Variants in GADL1 observed in about 807,000 individuals in gnomAD.
The protein encoded by GADL1 is GAD like acidic amino acid decarboxylase 1.
In GADL1, 71 loss-of-function variants were observed where a neutral mutation model predicts 69.5. The ratio of observed to expected loss-of-function variants is 1.02; its 90% confidence interval spans 0.84 to 1.25. The LOEUF (loss-of-function observed/expected upper bound fraction) is 1.25. Ranked by LOEUF, GADL1 falls within the 50% of genes most tolerant of loss-of-function variation. GADL1 has a pLI of 0.00. For missense variants in GADL1, 737 were observed against 631.8 expected (o/e 1.17, Z -1.79); for synonymous variants, 254 against 214.4 (o/e 1.18, Z -1.62).
chr3:30,892,564 A>T (rs1369912676), intron 1 of GADL1, among the ~76,000 whole-genome samples: 1 of 152,244 alleles, frequency 6.6e-6, no homozygotes, highest in Non-Finnish European at 1.5e-5. Flanking sequence ...ATATTCAGCT[A>T]CCAAAGCCAC....
intron 12 of GADL1, chr3:30,799,846 A>G (rs551996934): frequency 6.6e-6 from 1 of 152,408 alleles, no homozygotes; most frequent in East Asian, 1.9e-4. Flanking sequence ...GACAGGGGCA[A>G]AATGCCGCCA....
At chr3:30,779,740 G>C (rs951640909) in intron 13 of GADL1, among the ~76,000 whole-genome samples, 1 of 152,174 alleles carries the variant, frequency 6.6e-6, no homozygotes, top group Non-Finnish European at 1.5e-5. Context: ...TCTGTCACTA[G>C]ATTGTGTTAT....
chr3:30,790,763 ACTAT>A (rs1173615274), intron 12 of GADL1, among the ~76,000 whole-genome samples: 3 of 152,200 alleles, frequency 2.0e-5, no homozygotes, highest in African/African-American at 7.2e-5. Context: ...ATTTATATGT[ACTAT>A]CTAAATGTCT....
At chr3:30,750,662 C>G (rs572485308) in intron 14 of GADL1, among the ~76,000 whole-genome samples, 1 of 151,562 alleles carries the variant, frequency 6.6e-6, no homozygotes, top group South Asian at 2.1e-4. Context: ...TTTTTTAACA[C>G]AATTGCTACA....
At chr3:30,848,215 T>C (rs1698087414) in intron 6 of GADL1, among the ~76,000 whole-genome samples, 1 of 152,178 alleles carries the variant, frequency 6.6e-6, no homozygotes. Context: ...AACATTCTTC[T>C]CTTGGTACAG....
intron 12 of GADL1, chr3:30,800,681 T>C (rs1697140064): frequency 1.7e-6 from 1 of 578,046 alleles, no homozygotes; most frequent in East Asian, 3.0e-5. Flanking sequence ...CTGTTCATAA[T>C]TCCTAACACT....
intron 14 of GADL1, among the ~76,000 whole-genome samples, chr3:30,763,188 C>T (rs1367552754): frequency 6.6e-6 from 1 of 152,024 alleles, no homozygotes; most frequent in Admixed American, 6.5e-5. Context: ...GGTTACATAC[C>T]CATGATCCCA....
chr3:30,879,650 T>C (rs928795378), intron 1 of GADL1, among the ~76,000 whole-genome samples: 3 of 151,952 alleles, frequency 2.0e-5, no homozygotes, highest in African/African-American at 7.2e-5. Flanking sequence ...TCTGCACTCG[T>C]CTCTCTTGCT....
chr3:30,844,164 C>T (rs772875836), intron 8 of GADL1, 46 bp downstream of exon 8: 15 of 1,460,212 alleles, frequency 1.0e-5, no homozygotes, highest in African/African-American at 9.9e-5. Flanking sequence ...CGGGCGTGCG[C>T]GCACACACAC....
chr3:30,836,397 TAAAAA>T (rs34081672), intron 9 of GADL1, among the ~76,000 whole-genome samples: 1 of 144,806 alleles, frequency 6.9e-6, no homozygotes, highest in Non-Finnish European at 1.5e-5. Flanking sequence ...ATTTATTCCT[TAAAAA>T]AAAAAAAACA....
At chr3:30,805,505 T>A (rs572044398) in intron 11 of GADL1, among the ~76,000 whole-genome samples, 1 of 152,296 alleles carries the variant, frequency 6.6e-6, no homozygotes, top group South Asian at 2.1e-4. Context: ...TAATATCCTG[T>A]TTTTAAAGCA....
At chr3:30,764,473 A>G (rs1282565659) in intron 14 of GADL1, among the ~76,000 whole-genome samples, 1 of 152,176 alleles carries the variant, frequency 6.6e-6, no homozygotes, top group Non-Finnish European at 1.5e-5. Flanking sequence ...GTAAAAATGG[A>G]AGTAGAGCCA....
chr3:30,846,554 A>G lies in GADL1; in HGVS notation c.652-2088T>C, dbSNP rs144801519. Among the ~76,000 whole-genome samples the G allele has an allele frequency of 3.8e-3, 574 of 151,854 alleles. 1 individual carries two copies. Among genetic ancestry groups the G allele is most frequent in the African/African-American group, 0.014 (556 of 41,156 alleles). ...AGTTAGCTGGTAGAGAGAACGGGGT[A>G]TATAAATGTACACTGTGCCCTGGAC... On this transcript the variant is annotated intron_variant, in intron 6 of 14. Coordinates refer to ENST00000282538, the MANE Select transcript of GADL1 (RefSeq NM_207359.3).
intron 14 of GADL1, among the ~76,000 whole-genome samples, chr3:30,767,102 G>A (rs1696299345): frequency 6.6e-6 from 1 of 152,104 alleles, no homozygotes; most frequent in African/African-American, 2.4e-5. Flanking sequence ...AGTTCTGTGA[G>A]GTGCAGGTAG....
intron 8 of GADL1, among the ~76,000 whole-genome samples, chr3:30,839,363 C>G (rs1697926250): frequency 6.6e-6 from 1 of 151,726 alleles, no homozygotes; most frequent in Non-Finnish European, 1.5e-5. Context: ...CAGTATTATT[C>G]TCATGTTTTT....
intron 14 of GADL1, among the ~76,000 whole-genome samples, chr3:30,759,221 C>CAT (rs1473961584): frequency 1.6e-3 from 237 of 151,984 alleles, no homozygotes; most frequent in Non-Finnish European, 2.6e-3. Flanking sequence ...ACTTAGACAT[C>CAT]TGTCTCTTTA....
intron 14 of GADL1, among the ~76,000 whole-genome samples, chr3:30,733,922 A>C (rs1047320877): frequency 6.6e-6 from 1 of 152,114 alleles, no homozygotes; most frequent in East Asian, 1.9e-4. Flanking sequence ...GCTCCAATGC[A>C]GTGGCTATCT....
At chr3:30,815,954 G>A (rs1212744530) in intron 11 of GADL1, among the ~76,000 whole-genome samples, 1 of 152,086 alleles carries the variant, frequency 6.6e-6, no homozygotes, top group Non-Finnish European at 1.5e-5. Context: ...TGTTATTTAT[G>A]CTTTCTGTAT....
chr3:30,769,386 G>GCACA (rs142076789), intron 14 of GADL1, among the ~76,000 whole-genome samples: 1 of 151,492 alleles, frequency 6.6e-6, no homozygotes, highest in Non-Finnish European at 1.5e-5. Flanking sequence ...ATGCACACAC[G>GCACA]CACACACACA....
Sources: allele counts gnomAD v4.1 joint callset (sites outside exome capture counted in the v4.1 genomes callset), GRCh38; gene constraint gnomAD v4.1.1; transcripts MANE v1.5; gene names NCBI Gene and HGNC (gene_info 2026-07-23, HGNC 2026-07-21).